IST1: variants seen among roughly 807,000 people sequenced by gnomAD.
The protein encoded by IST1 is IST1 homolog.
Under a neutral mutation model 37.0 loss-of-function variants are expected in IST1, and 23 were observed. That is an observed-to-expected ratio of 0.62 (90% CI 0.45 to 0.88). The LOEUF (loss-of-function observed/expected upper bound fraction) is 0.88. Among genes scored for constraint, IST1 ranks in the 40% least tolerant of loss-of-function variants. The pLI is 0.00. For missense variants in IST1, 488 were observed against 445.4 expected (o/e 1.10, Z -0.86); for synonymous variants, 180 against 161.7 (o/e 1.11, Z -0.86).
chr16:71,896,820 A>G (rs893433019), intron 1 of IST1, among the ~76,000 whole-genome samples: 5 of 152,022 alleles, frequency 3.3e-5, no homozygotes, highest in African/African-American at 1.2e-4. Context: ...TTCTCTACAA[A>G]AATAAAAACA....
At chr16:71,924,663 T>C (rs1461584125) in intron 8 of IST1, 106 bp from the exon 9 acceptor site, 1 of 833,382 alleles carries the variant, frequency 1.2e-6, no homozygotes, top group Non-Finnish European at 2.1e-6. Context: ...ACAGGCTCTG[T>C]TGCATTTGGT....
chr16:71,923,042 C>G (rs899315837), intron 7 of IST1: 1 of 464,342 alleles, frequency 2.2e-6, no homozygotes, highest in African/African-American at 2.0e-5. Flanking sequence ...AAGAAAGTCT[C>G]GTTAGAGTTT....
At chr16:71,914,754 TTTTGA>T (rs1422760305) in intron 1 of IST1, among the ~76,000 whole-genome samples, 4 of 152,262 alleles carry the variant, frequency 2.6e-5, no homozygotes, top group African/African-American at 9.6e-5. Context: ...TTTGGTGCTC[TTTTGA>T]TTTGTCTGTT....
chr16:71,922,607 C>A lies in IST1; in HGVS notation c.686C>A (p.Pro229Gln), dbSNP rs62053795. ...APVGGPDGTV[P>Q]MPMPMPMPMP... ...GTTGGTGGACCTGATGGAACGGTGC[C>A]AATGCCCATGCCCATGCCCATGCCT... Residue 229 changes from proline to glutamine, a missense_variant, in exon 7 of 10, where the codon CCA becomes CAA. This residue lies in a region of IST1 where 455 missense variants were observed against 386.2 expected (regional missense o/e 1.18). Transcript: ENST00000378799. 6.3e-7 allele frequency: 1 copy of A among 1,594,504 alleles called. No individual in the cohort carries two copies.
chr16:71,911,116 C>T (rs919221173), intron 1 of IST1, among the ~76,000 whole-genome samples: 2 of 151,994 alleles, frequency 1.3e-5, no homozygotes, highest in African/African-American at 4.8e-5. Context: ...TGGTGTGTGC[C>T]TATAATCTCA....
chr16:71,906,412 G>T (rs2037225408), intron 1 of IST1, among the ~76,000 whole-genome samples: 1 of 151,360 alleles, frequency 6.6e-6, no homozygotes, highest in South Asian at 2.1e-4. Flanking sequence ...TGTTCAAGCG[G>T]TTCTCCTGCC....
chr16:71,924,939 C>G (rs2037702773), intron 9 of IST1, 122 bp downstream of exon 9: 3 of 681,306 alleles, frequency 4.4e-6, no homozygotes, highest in Non-Finnish European at 7.9e-6. Flanking sequence ...ATGCCCTGTT[C>G]TCTTCCCAAA....
intron 1 of IST1, among the ~76,000 whole-genome samples, chr16:71,906,298 C>T (rs767576362): frequency 4.0e-5 from 6 of 151,278 alleles, no homozygotes; most frequent in African/African-American, 9.7e-5. Context: ...CCACTGCGCC[C>T]GGCCTTTTTG....
At chr16:71,925,169 T>C (rs928213234) in intron 9 of IST1, among the ~76,000 whole-genome samples, 5 of 150,886 alleles carry the variant, frequency 3.3e-5, no homozygotes, top group Admixed American at 6.6e-5. Flanking sequence ...CCCGCCACCA[T>C]GCCTGGCTAA....
chr16:71,901,916 A>T (rs2037117567), intron 1 of IST1, among the ~76,000 whole-genome samples: 1 of 152,250 alleles, frequency 6.6e-6, no homozygotes, highest in East Asian at 1.9e-4. Context: ...ATTGAAACAG[A>T]TTAATCAGAA....
Position 71,895,536 on chromosome 16 carries a change from G to C in IST1, c.-69G>C. On this transcript the variant is annotated 5_prime_UTR_variant, in exon 1 of 10. Coordinates refer to ENST00000378799, the MANE Select transcript of IST1 (RefSeq NM_001270975.2). ...CTGAGGCCGAGGGAGTCGCCATTTT[G>C]GATGGTGAACCCTGAAGTCGGTGTC... is the stretch of plus-strand genomic sequence containing the variant. The C allele has an allele frequency of 1.0e-6, 1 of 985,708 alleles. No individual in the cohort carries two copies. The highest frequency in any genetic ancestry group is 1.2e-6 in the Non-Finnish European group (1 of 830,056). 61.1% of individuals were successfully genotyped at this position (985,708 alleles called of 1,614,324 possible).
chr16:71,922,844 G>C (rs2037639035), intron 7 of IST1, 164 bp downstream of exon 7: 1 of 636,484 alleles, frequency 1.6e-6, no homozygotes, highest in African/African-American at 1.8e-5. Flanking sequence ...ATTGGATTCA[G>C]AGAAGGTCTT....
At chr16:71,907,467 C>T (rs1328925134) in intron 1 of IST1, among the ~76,000 whole-genome samples, 29 of 151,874 alleles carry the variant, frequency 1.9e-4, no homozygotes, top group Admixed American at 1.5e-3. Flanking sequence ...TTAGTAGAGA[C>T]GGGGTTTCAC....
chr16:71,915,822 A>G, intron 2 of IST1, 94 bp downstream of exon 2: 1 of 745,386 alleles, frequency 1.3e-6, no homozygotes, highest in Non-Finnish European at 2.2e-6. Context: ...AGTCTTAGGG[A>G]TCATATTTTT....
chr16:71,917,973 C>T (rs762134961), intron 4 of IST1, among the ~76,000 whole-genome samples: 1 of 152,170 alleles, frequency 6.6e-6, no homozygotes, highest in Non-Finnish European at 1.5e-5. Flanking sequence ...TGTCGGTTTA[C>T]ATTTAAGAGT....
intron 1 of IST1, among the ~76,000 whole-genome samples, chr16:71,899,665 C>A (rs998759707): frequency 1.3e-5 from 2 of 150,292 alleles, no homozygotes; most frequent in African/African-American, 4.9e-5. Context: ...CACCTGAGGT[C>A]AGGAGTTTGA....
chr16:71,923,585 G>T, intron 8 of IST1: 1 of 417,750 alleles, frequency 2.4e-6, no homozygotes, highest in Non-Finnish European at 4.3e-6. Context: ...GCAATGCTTT[G>T]TCTGCAATTA....
At chr16:71,898,673 AAAAAAC>A (rs1378366659) in intron 1 of IST1, among the ~76,000 whole-genome samples, 1 of 150,820 alleles carries the variant, frequency 6.6e-6, no homozygotes, top group East Asian at 2.0e-4. Context: ...AAAAAAAAAA[AAAAAAC>A]AAAAAAGGAA....
At chr16:71,902,517 G>A (rs754270696) in intron 1 of IST1, among the ~76,000 whole-genome samples, 11 of 152,140 alleles carry the variant, frequency 7.2e-5, no homozygotes, top group Non-Finnish European at 1.2e-4. Context: ...TAATCTGCCC[G>A]CCTCGGCTTC....
Sources: allele counts gnomAD v4.1 joint callset (sites outside exome capture counted in the v4.1 genomes callset), GRCh38; gene constraint gnomAD v4.1.1; regional missense constraint gnomAD v4.1.1; transcripts MANE v1.5; gene names NCBI Gene and HGNC (gene_info 2026-07-23, HGNC 2026-07-21).